Variants in GPC3 observed in about 807,000 individuals in gnomAD.
GPC3 encodes glypican 3.
In GPC3, 3 loss-of-function variants were observed where a neutral mutation model predicts 34.4. The ratio of observed to expected loss-of-function variants is 0.09; its 90% CI spans 0.04 to 0.23. GPC3 has a LOEUF of 0.23. Ranked by LOEUF, GPC3 falls within the 10% of genes least tolerant of loss-of-function variation. GPC3 has a pLI of 1.00. For synonymous variants in GPC3, 177 were observed against 174.0 expected, an observed-to-expected ratio of 1.02 and a Z score of -0.13; for missense variants, 351 against 445.6, an observed-to-expected ratio of 0.79 and a Z score of 1.91.
chrX:133,570,580 G>C (rs927339986), intron 7 of GPC3, among the ~76,000 whole-genome samples: 2 of 112,392 alleles, frequency 1.8e-5, no homozygotes, highest in African/African-American at 6.5e-5. Flanking sequence ...ATTCTAAGTT[G>C]AACAAAATAA....
intron 5 of GPC3, among the ~76,000 whole-genome samples, chrX:133,674,026 A>G (rs1320291068): frequency 9.0e-6 from 1 of 110,903 alleles, no homozygotes; most frequent in East Asian, 2.8e-4. Context: ...GGAGTTCGAG[A>G]CCAGCCTGGG....
At chrX:133,797,306 T>C (rs1056025386) in intron 2 of GPC3, among the ~76,000 whole-genome samples, 4 of 111,282 alleles carry the variant, frequency 3.6e-5, no homozygotes, top group African/African-American at 1.3e-4. Context: ...CTTTTTTCTA[T>C]AGAACAGAAC....
chrX:133,890,044 C>T (rs1441654434), intron 2 of GPC3, among the ~76,000 whole-genome samples: 3 of 110,568 alleles, frequency 2.7e-5, no homozygotes, highest in Non-Finnish European at 5.7e-5. Context: ...GCTGGGATTA[C>T]AGGCGTGAGC....
At chrX:133,769,358 C>T (rs186425727) in intron 2 of GPC3, among the ~76,000 whole-genome samples, 215 of 111,792 alleles carry the variant, frequency 1.9e-3, no homozygotes, top group African/African-American at 6.5e-3. Context: ...TTTAAAATTT[C>T]GCCAAGAGCA....
chrX:133,954,588 C>G (rs1569458904), intron 1 of GPC3, among the ~76,000 whole-genome samples: 1 of 109,921 alleles, frequency 9.1e-6, no homozygotes, highest in Non-Finnish European at 1.9e-5. Flanking sequence ...AAGGCATCTT[C>G]CATAAGGTAA....
intron 3 of GPC3, among the ~76,000 whole-genome samples, chrX:133,728,214 C>T (rs976959158): frequency 8.9e-6 from 1 of 112,003 alleles, no homozygotes; most frequent in Non-Finnish European, 1.9e-5. Flanking sequence ...TCAATGAAGA[C>T]CCTTTTGGCT....
intron 2 of GPC3, among the ~76,000 whole-genome samples, chrX:133,916,245 G>A (rs2076224460): frequency 9.1e-6 from 1 of 109,887 alleles, no homozygotes; most frequent in Admixed American, 9.7e-5. Flanking sequence ...ATAATAATAC[G>A]GAAAAAATGT....
chrX:133,619,706 G>C (rs1207364268), intron 6 of GPC3, among the ~76,000 whole-genome samples: 1 of 111,204 alleles, frequency 9.0e-6, no homozygotes, highest in African/African-American at 3.3e-5. Context: ...TTCTTTTTGA[G>C]ATGATTCAAA....
chrX:133,688,418 T>A (rs2071029353), intron 5 of GPC3, among the ~76,000 whole-genome samples: 1 of 111,687 alleles, frequency 9.0e-6, no homozygotes, highest in African/African-American at 3.3e-5. Context: ...TTCTCTTCAT[T>A]CATATTTCAA....
At chrX:133,649,486 T>C in intron 6 of GPC3, among the ~76,000 whole-genome samples, 1 of 111,190 alleles carries the variant, frequency 9.0e-6, no homozygotes, top group South Asian at 3.8e-4. Context: ...GGACCATGGG[T>C]TATCAGATTG....
At chrX:133,932,941 T>C (rs930738153) in intron 2 of GPC3, among the ~76,000 whole-genome samples, 2 of 111,414 alleles carry the variant, frequency 1.8e-5, no homozygotes, top group Non-Finnish European at 3.8e-5. Context: ...GAATTACACA[T>C]AATAACCCTA....
intron 5 of GPC3, among the ~76,000 whole-genome samples, chrX:133,678,877 T>G (rs2070910911): frequency 8.9e-6 from 1 of 112,345 alleles, no homozygotes; most frequent in Admixed American, 9.4e-5. Context: ...AATAGCCTCA[T>G]TATCAATGAT....
intron 7 of GPC3, among the ~76,000 whole-genome samples, chrX:133,577,544 G>C (rs1162910716): frequency 9.0e-6 from 1 of 111,457 alleles, no homozygotes; most frequent in African/African-American, 3.3e-5. Flanking sequence ...TTTTATTACA[G>C]CATTCATCAA....
chrX:133,596,490 C>A lies in GPC3; in HGVS notation c.1523G>T (p.Gly508Val). The change falls in exon 7 of 8, where the codon GGC becomes GTC. Residue 508 changes from glycine to valine, a missense_variant. By Grantham distance (109) the Gly-to-Val change is moderately radical (BLOSUM62 -3). Transcript: ENST00000370818. ...CACTTTTATCATTCCATCACCAGAG[C>A]CTCCAATGCACTCATCTTCATCATC... Reference protein sequence around the residue: ...CGDDEDECIGGSGDGMIKVKN... With the variant: ...CGDDEDECIGVSGDGMIKVKN... The A allele has an allele frequency of 8.3e-7, 1 of 1,208,222 alleles. No individual in the cohort carries two copies. The highest frequency in any genetic ancestry group is 1.7e-5 in the African/African-American group (1 of 57,707).
intron 7 of GPC3, among the ~76,000 whole-genome samples, chrX:133,576,478 G>A (rs1195703850): frequency 9.0e-6 from 1 of 110,748 alleles, no homozygotes; most frequent in Non-Finnish European, 1.9e-5. Flanking sequence ...GACCTCAAGT[G>A]ATCCACCCGC....
intron 6 of GPC3, 97 bp downstream of exon 6, chrX:133,661,632 CT>C (rs1465091162): frequency 2.7e-4 from 4 of 14,909 alleles, no homozygotes; most frequent in African/African-American, 8.8e-4. Context: ...CTCTCTCTCT[CT>C]CCCCCCCCCC....
chrX:133,957,619 A>C (rs1314399958), intron 1 of GPC3, among the ~76,000 whole-genome samples: 1 of 112,122 alleles, frequency 8.9e-6, no homozygotes, highest in Non-Finnish European at 1.9e-5. Context: ...AAAGCAGATG[A>C]CTAAGGAGAT....
rs777292046 is a variant in GPC3 at position 133,551,145 on chromosome X, G to A, written c.1574-14852C>T. ...TCTGCCCCCCCCCACCCCACCCTTC[G>A]CCCTTGGCCACACCCTGCCCTTTCC... is the stretch of plus-strand genomic sequence containing the variant. On this transcript the variant is annotated intron_variant, in intron 7 of 7. Coordinates refer to ENST00000370818, the MANE Select transcript of GPC3 (RefSeq NM_004484.4). 6.3e-3 allele frequency among the ~76,000 whole-genome samples: 325 copies of A among 51,570 alleles called. 1 individual carries two copies. The highest frequency in any genetic ancestry group is 9.0e-3 in the Non-Finnish European group (263 of 29,201). The allele number at this position is 51,570 out of a possible 115,157, so 44.8% of individuals were successfully genotyped here.
intron 3 of GPC3, among the ~76,000 whole-genome samples, chrX:133,744,677 A>G (rs1304488832): frequency 5.3e-5 from 6 of 112,413 alleles, no homozygotes; most frequent in African/African-American, 1.9e-4. Flanking sequence ...TACCCAAAGA[A>G]TTATAAATCA....
Sources: gnomAD v4.1 joint callset for allele counts (sites outside exome capture counted in the v4.1 genomes callset) on GRCh38, gnomAD v4.1.1 for gene constraint, MANE v1.5 for transcripts, NCBI Gene and HGNC (gene_info 2026-07-23, HGNC 2026-07-21) for gene names.